The following DCC variants were observed in gnomAD, a reference collection of about 807,000 sequenced individuals.
DCC encodes the protein DCC netrin 1 receptor, also known as netrin receptor DCC.
Under a neutral mutation model 172.5 loss-of-function variants are expected in DCC, and 58 were observed. The ratio of observed to expected loss-of-function variants is 0.34; its 90% confidence interval spans 0.27 to 0.42. DCC has a LOEUF of 0.42. Among genes scored for constraint, DCC ranks in the 10% least tolerant of loss-of-function variants. The pLI is 1.00. For synonymous variants in DCC, 709 were observed against 644.5 expected, an observed-to-expected ratio of 1.10 and a Z score of -1.52; for missense variants, 1,740 against 1,791.0, an observed-to-expected ratio of 0.97 and a Z score of 0.51.
intron 1 of DCC, among the ~76,000 whole-genome samples, chr18:52,655,742 AGATTCTACCTTG>A (rs1337223446): frequency 1.3e-5 from 2 of 152,138 alleles, no homozygotes; most frequent in African/African-American, 4.8e-5. Context: ...AAAATTATCT[AGATTCTACCTTG>A]GAGGAAAATT....
intron 27 of DCC, among the ~76,000 whole-genome samples, chr18:53,513,184 A>T (rs2046280954): frequency 6.6e-6 from 1 of 152,196 alleles, no homozygotes; most frequent in Non-Finnish European, 1.5e-5. Flanking sequence ...AGAATTTTCA[A>T]CCCAGAATTT....
intron 27 of DCC, among the ~76,000 whole-genome samples, chr18:53,514,130 A>C (rs540006456): frequency 6.6e-5 from 10 of 152,318 alleles, no homozygotes; most frequent in Non-Finnish European, 1.5e-4. Flanking sequence ...TCAAACTAGA[A>C]CTCAGGATTA....
chr18:52,398,124 G>A (rs946698794), intron 1 of DCC, among the ~76,000 whole-genome samples: 1 of 116,474 alleles, frequency 8.6e-6, no homozygotes, highest in Non-Finnish European at 2.1e-5. Context: ...TAACTTTGAC[G>A]GTACATACAT....
chr18:53,505,689 A>ATAATC (rs1375282557), intron 27 of DCC, among the ~76,000 whole-genome samples: 5 of 152,234 alleles, frequency 3.3e-5, no homozygotes, highest in Non-Finnish European at 7.3e-5. Flanking sequence ...AAAATAATAA[A>ATAATC]TAATCTATTT....
At chr18:52,769,503 T>A (rs2037305976) in intron 2 of DCC, among the ~76,000 whole-genome samples, 2 of 152,202 alleles carry the variant, frequency 1.3e-5, no homozygotes, top group Admixed American at 1.3e-4. Context: ...CTGTAAATAT[T>A]TTCTCCTGTT....
At chr18:53,316,944 C>G (rs1176423561) in intron 13 of DCC, among the ~76,000 whole-genome samples, 1 of 152,204 alleles carries the variant, frequency 6.6e-6, no homozygotes, top group Non-Finnish European at 1.5e-5. Flanking sequence ...TTATTTCTTT[C>G]TCTTGCCTGA....
intron 1 of DCC, among the ~76,000 whole-genome samples, chr18:52,351,273 C>T (rs887708072): frequency 1.3e-5 from 2 of 152,172 alleles, no homozygotes; most frequent in Non-Finnish European, 2.9e-5. Flanking sequence ...TTAGCTAAGG[C>T]TGGAGAAGAC....
chr18:53,089,612 A>G (rs570797019), intron 7 of DCC, among the ~76,000 whole-genome samples: 75 of 152,184 alleles, frequency 4.9e-4, no homozygotes, highest in African/African-American at 1.6e-3. Context: ...CAAAAAACAA[A>G]AAACTTAAAC....
intron 1 of DCC, among the ~76,000 whole-genome samples, chr18:52,750,704 G>C (rs971386180): frequency 3.3e-5 from 5 of 152,202 alleles, no homozygotes; most frequent in Admixed American, 6.5e-5. Context: ...GTAAAATGGG[G>C]TGTACAAAGA....
intron 27 of DCC, among the ~76,000 whole-genome samples, chr18:53,524,425 C>T (rs1434762956): frequency 3.9e-5 from 6 of 151,962 alleles, no homozygotes; most frequent in Non-Finnish European, 8.8e-5. Flanking sequence ...TCTCATTTAT[C>T]ATATTAAATT....
intron 1 of DCC, among the ~76,000 whole-genome samples, chr18:52,567,047 A>G (rs1292830202): frequency 6.6e-6 from 1 of 152,194 alleles, no homozygotes; most frequent in Non-Finnish European, 1.5e-5. Context: ...TACCTAGGAC[A>G]GTAATACTTA....
chr18:52,877,370 G>T (rs745509275), intron 2 of DCC, among the ~76,000 whole-genome samples: 1 of 147,624 alleles, frequency 6.8e-6, no homozygotes. Context: ...GGAGGAGGGT[G>T]TGTGTGTGTG....
chr18:52,420,900 T>C (rs1038725805), intron 1 of DCC, among the ~76,000 whole-genome samples: 4 of 152,074 alleles, frequency 2.6e-5, no homozygotes, highest in Admixed American at 2.0e-4. Flanking sequence ...ATAAATGTGA[T>C]GGTAATGTTT....
At chr18:52,902,165 G>A (rs1289728593) in intron 2 of DCC, among the ~76,000 whole-genome samples, 3 of 152,164 alleles carry the variant, frequency 2.0e-5, no homozygotes, top group Non-Finnish European at 4.4e-5. Flanking sequence ...TGCAGAAGTT[G>A]TGGAAAATGA....
At chr18:53,139,531 C>A (rs1228075030) in intron 7 of DCC, among the ~76,000 whole-genome samples, 1 of 152,008 alleles carries the variant, frequency 6.6e-6, no homozygotes, top group Non-Finnish European at 1.5e-5. Context: ...TTTGTTTTAT[C>A]TTGAATACCT....
chr18:53,088,079 G>A (rs1168687309), intron 7 of DCC, among the ~76,000 whole-genome samples: 21 of 152,098 alleles, frequency 1.4e-4, no homozygotes, highest in African/African-American at 4.1e-4. Flanking sequence ...TTGACTTAGC[G>A]ATGCGGGCTC....
At chr18:52,607,679 T>G (rs1421818996) in intron 1 of DCC, among the ~76,000 whole-genome samples, 1 of 152,144 alleles carries the variant, frequency 6.6e-6, no homozygotes, top group Non-Finnish European at 1.5e-5. Context: ...TTGCGTGGTA[T>G]CATAAAGAAT....
intron 1 of DCC, among the ~76,000 whole-genome samples, chr18:52,345,321 G>T (rs1474186210): frequency 6.6e-6 from 1 of 152,134 alleles, no homozygotes; most frequent in Non-Finnish European, 1.5e-5. Context: ...GAGTTCTAAA[G>T]AGGAATAGTA....
intron 13 of DCC, among the ~76,000 whole-genome samples, chr18:53,317,498 A>G (rs912517065): frequency 5.3e-5 from 8 of 152,200 alleles, no homozygotes; most frequent in Non-Finnish European, 1.2e-4. Context: ...GCCTCATAAA[A>G]TGAGTTAGAG....
Sources: allele counts gnomAD v4.1 joint callset (sites outside exome capture counted in the v4.1 genomes callset), GRCh38; gene constraint gnomAD v4.1.1; transcripts MANE v1.5; gene names NCBI Gene and HGNC (gene_info 2026-07-23, HGNC 2026-07-21).